The following GALNT13 variants were observed in gnomAD, a reference collection of about 807,000 sequenced individuals.
The protein encoded by GALNT13 is UDP-GalNAc:polypeptide N-acetylgalactosaminyltransferase 13.
Under a neutral mutation model 64.2 loss-of-function variants are expected in GALNT13, and 28 were observed. That is an observed-to-expected ratio of 0.44 (90% CI 0.32 to 0.60). The LOEUF (loss-of-function observed/expected upper bound fraction) is 0.60, where lower values mean the gene tolerates loss of function less well. GALNT13 is among the 20% of genes least tolerant of loss of function. GALNT13 has a pLI of 0.05. For missense variants in GALNT13, 577 were observed against 669.8 expected (o/e 0.86, Z 1.53); for synonymous variants, 214 against 224.6 (o/e 0.95, Z 0.42).
the GALNT13 span, among the ~76,000 whole-genome samples, chr2:153,635,415 T>TAC: frequency 8.2e-6 from 1 of 122,674 alleles, no homozygotes; most frequent in Non-Finnish European, 1.7e-5. Context: ...TATATATATA[T>TAC]ACACATATAT....
At chr2:154,125,450 A>G (rs920828887) in intron 3 of GALNT13, among the ~76,000 whole-genome samples, 4 of 152,208 alleles carry the variant, frequency 2.6e-5, no homozygotes, top group Non-Finnish European at 5.9e-5. Flanking sequence ...ATCTTTCCCA[A>G]AACTTAATGT....
At chr2:153,253,019 A>C in the GALNT13 span, among the ~76,000 whole-genome samples, 1 of 151,606 alleles carries the variant, frequency 6.6e-6, no homozygotes, top group African/African-American at 2.4e-5. Context: ...AGTCATTGGT[A>C]GCTTGATGGT....
At chr2:153,255,405 G>A in the GALNT13 span, among the ~76,000 whole-genome samples, 1 of 139,724 alleles carries the variant, frequency 7.2e-6, no homozygotes, top group Non-Finnish European at 1.5e-5. Context: ...CACACTGATG[G>A]ATCTTGACTC....
In GALNT13 at chr2:154,262,364, A is replaced by G. The variant is rs943848351; in HGVS notation, c.975+3226A>G. The stretch of plus-strand genomic sequence containing the variant: ...AGAAAGACGCTAACATGCAAATACA[A>G]GCTTCCTCCACAATTCTGAGATGCT... On this transcript the variant is annotated intron_variant, in intron 8 of 12. Coordinates refer to ENST00000392825, the MANE Select transcript of GALNT13 (RefSeq NM_052917.4). 1.1e-4 allele frequency among the ~76,000 whole-genome samples: 17 copies of G among 152,312 alleles called. No homozygotes were observed. The East Asian group carries it at 1.9e-3, about 17-fold the overall frequency.
chr2:153,727,781 A>G, the GALNT13 span, among the ~76,000 whole-genome samples: 3 of 151,480 alleles, frequency 2.0e-5, no homozygotes, highest in Admixed American at 2.0e-4. Flanking sequence ...CTGAACATGT[A>G]GGTTTGTTAC....
At chr2:153,452,469 C>T in the GALNT13 span, among the ~76,000 whole-genome samples, 2 of 151,482 alleles carry the variant, frequency 1.3e-5, no homozygotes, top group African/African-American at 4.9e-5. Flanking sequence ...CCGAGTGAGA[C>T]TCTATCTCAA....
At chr2:153,787,643 A>G in the GALNT13 span, among the ~76,000 whole-genome samples, 1 of 152,212 alleles carries the variant, frequency 6.6e-6, no homozygotes, top group Non-Finnish European at 1.5e-5. Flanking sequence ...ATAAGAATAA[A>G]AATCAAAATT....
chr2:154,213,184 C>T (rs1007471870), intron 4 of GALNT13, among the ~76,000 whole-genome samples: 1 of 152,046 alleles, frequency 6.6e-6, no homozygotes, highest in Non-Finnish European at 1.5e-5. Flanking sequence ...CTCACTGCAA[C>T]CTCCACCCCC....
the GALNT13 span, among the ~76,000 whole-genome samples, chr2:153,684,332 TCTAA>T: frequency 6.6e-6 from 1 of 151,742 alleles, no homozygotes; most frequent in South Asian, 2.1e-4. Context: ...TTTTGCCTCC[TCTAA>T]CTGTCATTAT....
At chr2:153,345,867 C>T in the GALNT13 span, among the ~76,000 whole-genome samples, 1 of 151,636 alleles carries the variant, frequency 6.6e-6, no homozygotes, top group African/African-American at 2.4e-5. Flanking sequence ...ACAATCACAG[C>T]TCACTGCAGT....
the GALNT13 span, among the ~76,000 whole-genome samples, chr2:153,710,239 A>G: frequency 2.6e-5 from 4 of 152,200 alleles, no homozygotes; most frequent in East Asian, 7.7e-4. Context: ...TTCGTACCTA[A>G]GAAATCCATA....
the GALNT13 span, among the ~76,000 whole-genome samples, chr2:153,117,704 T>C: frequency 6.6e-6 from 1 of 152,200 alleles, no homozygotes; most frequent in Non-Finnish European, 1.5e-5. Flanking sequence ...GATACTCAAA[T>C]AGGCACTTTT....
At chr2:153,802,901 C>T in the GALNT13 span, among the ~76,000 whole-genome samples, 1 of 152,198 alleles carries the variant, frequency 6.6e-6, no homozygotes, top group South Asian at 2.1e-4. Context: ...TTTTTAGTGG[C>T]AACAGAGGAA....
At chr2:154,396,842 TTCTACATATCTATTTTA>T (rs1699077151) in intron 10 of GALNT13, among the ~76,000 whole-genome samples, 1 of 151,864 alleles carries the variant, frequency 6.6e-6, no homozygotes, top group Admixed American at 6.6e-5. Context: ...CACCATTCTT[TTCTACATATCTATTTTA>T]TCTTGAAATA....
the GALNT13 span, among the ~76,000 whole-genome samples, chr2:153,610,814 TAAG>T: frequency 1.3e-5 from 2 of 152,102 alleles, no homozygotes; most frequent in African/African-American, 2.4e-5. Context: ...GTGCCAACAA[TAAG>T]AAGATATGAA....
the GALNT13 span, among the ~76,000 whole-genome samples, chr2:153,684,616 T>C: frequency 6.6e-6 from 1 of 151,730 alleles, no homozygotes; most frequent in Non-Finnish European, 1.5e-5. Context: ...TCCTTGTTGA[T>C]GGTGTCAGAA....
the GALNT13 span, among the ~76,000 whole-genome samples, chr2:153,562,955 G>T: frequency 6.6e-6 from 1 of 151,926 alleles, no homozygotes; most frequent in Admixed American, 6.6e-5. Context: ...AAATATGTAG[G>T]TTCAAGCCCT....
chr2:153,452,507 A>G, the GALNT13 span, among the ~76,000 whole-genome samples: 1 of 152,020 alleles, frequency 6.6e-6, no homozygotes, highest in Non-Finnish European at 1.5e-5. Context: ...TGAGTATCAT[A>G]TGAATTTAGT....
intron 1 of GALNT13, among the ~76,000 whole-genome samples, chr2:153,899,600 C>A (rs1343731359): frequency 6.6e-6 from 1 of 152,078 alleles, no homozygotes; most frequent in African/African-American, 2.4e-5. Context: ...GAGACCTGTG[C>A]AATCCCAATG....
Sources: allele counts gnomAD v4.1 joint callset (sites outside exome capture counted in the v4.1 genomes callset), GRCh38; gene constraint gnomAD v4.1.1; transcripts MANE v1.5; gene names NCBI Gene and HGNC (gene_info 2026-07-23, HGNC 2026-07-21).